The following SPON2 variants were observed in gnomAD, a reference collection of about 807,000 sequenced individuals.
SPON2 encodes the protein spondin-2.
A neutral mutation model predicts 29.9 loss-of-function variants in SPON2; 32 were observed. The observed-to-expected ratio is 1.07, with a 90% CI of 0.81 to 1.44. The LOEUF (loss-of-function observed/expected upper bound fraction) is 1.44, where lower values mean the gene tolerates loss of function less well. SPON2 is among the 40% of genes most tolerant of loss of function. SPON2 has a pLI of 0.00. For synonymous variants in SPON2, 248 were observed against 209.1 expected, an observed-to-expected ratio of 1.19 and a Z score of -1.61; for missense variants, 541 against 455.5, an observed-to-expected ratio of 1.19 and a Z score of -1.71.
chr4:1,194,931 G>GCAGCCGGCGGCCTCACCTCA (rs1728015673), intron 1 of SPON2: 1 of 133,368 alleles, frequency 7.5e-6, no homozygotes, highest in African/African-American at 3.0e-5. Flanking sequence ...CTCCAACCCC[G>GCAGCCGGCGGCCTCACCTCA]CAGCCGGCGG....
upstream of SPON2, among the ~76,000 whole-genome samples, chr4:1,175,503 C>T (rs544019807): frequency 9.4e-4 from 143 of 151,510 alleles, no homozygotes; most frequent in African/African-American, 2.9e-3. Context: ...GGATGTAGGG[C>T]GGTGGTGGGC....
chr4:1,204,152 G>A (rs571254540), intron 1 of SPON2, among the ~76,000 whole-genome samples: 78 of 152,350 alleles, frequency 5.1e-4, no homozygotes, highest in Non-Finnish European at 8.4e-4. Flanking sequence ...GATTACAGGC[G>A]TGAGCCACTG....
At position 1,171,090 on chromosome 4, in the gene SPON2, A is replaced by G; in HGVS notation, c.545T>C (p.Leu182Pro). Reference sequence around the variant, plus strand: ...CCCGGCGTCGTAGGGGTACAGGTCCAGCGCCGCCTGTTCCCGCCAACGGTC... The same window carrying G: ...CCCGGCGTCGTAGGGGTACAGGTCCGGCGCCGCCTGTTCCCGCCAACGGTC... Reference protein sequence around the residue: ...DGDRWREQAALDLYPYDAGTD... With the variant: ...DGDRWREQAAPDLYPYDAGTD... The change falls in exon 4 of 6, where the codon CTG becomes CCG. Residue 182 changes from leucine to proline, a missense_variant. Coordinates refer to ENST00000290902, the MANE Select transcript of SPON2 (RefSeq NM_012445.4). 1 of 1,550,416 alleles carries G rather than the reference A, an allele frequency of 6.4e-7. No homozygotes were observed. The highest frequency in any genetic ancestry group is 1.2e-5 in the South Asian group (1 of 84,014).
chr4:1,181,073 G>A (rs4974641), intron 1 of SPON2, among the ~76,000 whole-genome samples: 145,915 of 152,254 alleles, frequency 0.96, 70,208 homozygotes, highest in East Asian at 1. Context: ...AGAGATAGCC[G>A]CACTGACACA....
At chr4:1,200,583 C>T (rs1045461099) in intron 1 of SPON2, 27 of 343,856 alleles carry the variant, frequency 7.9e-5, no homozygotes, top group Admixed American at 7.8e-4. Flanking sequence ...CCCACGGGAA[C>T]GTGGTTTCCT....
chr4:1,202,440 A>G lies in SPON2; in HGVS notation c.-234+5440T>C, dbSNP rs768252477. 1.3e-5 allele frequency among the ~76,000 whole-genome samples: 2 copies of G among 152,204 alleles called. No individual in the cohort carries two copies. The highest frequency in any genetic ancestry group is 6.5e-5 in the Admixed American group (1 of 15,282). The stretch of plus-strand genomic sequence containing the variant: ...CAGGCCCAGTACTCACCGCTCTCAC[A>G]TACAAAATCATATGAGTCAGCATTC... On this transcript the variant is annotated intron_variant, in intron 1 of 3. Transcript: ENST00000509233. This position sits in a 1 kb window ranked among gnomAD's most constrained non-coding sequence, Gnocchi z 5.4.
rs199893739 is a variant in SPON2 at position 1,171,810 on chromosome 4, C to T, written c.220+42G>A. 8.5e-4 allele frequency: 1,216 copies of T among 1,436,964 alleles called. 6 individuals carry two copies. In the African/African-American group the frequency reaches 0.014, roughly 17 times the overall value. 89.0% of individuals were successfully genotyped at this position (1,436,964 alleles called of 1,614,324 possible). A position where few individuals can be genotyped will look rare whatever the true frequency, so the allele number is the denominator to read the frequency against. On this transcript the variant is annotated intron_variant, in intron 2 of 5. Transcript: ENST00000290902. ...TGTGCGGGGGGCTCCGGCGCCGCAG[C>T]CCTCCTGGTGGAGCAGGAGGCGAGG...
At chr4:1,201,965 C>T (rs765701207) in intron 1 of SPON2, among the ~76,000 whole-genome samples, 1 of 152,226 alleles carries the variant, frequency 6.6e-6, no homozygotes, top group Non-Finnish European at 1.5e-5. Context: ...AATTCACATG[C>T]TCACAAGTCA....
Position 1,171,005 on chromosome 4 carries a change from C to G in SPON2, c.630G>C (p.Val210=). ...PNFATIPQDT[V]TEITSSSPSH... is the part of the protein sequence containing the mutation. ...ACGCGGGGTGCCCACTCACCTCGGT[C>G]ACCGTGTCCTGCGGGATGGTGGCGA... Residue 210 remains valine, a synonymous_variant, in exon 4 of 6, where the codon GTG becomes GTC. Transcript: ENST00000290902. 1 of 1,548,274 alleles carries G rather than the reference C, an allele frequency of 6.5e-7. No individual in the cohort carries two copies. Among genetic ancestry groups the G allele is most frequent in the Non-Finnish European group, 8.7e-7 (1 of 1,145,426 alleles).
chr4:1,194,824 A>ACAGCCGGCGACTCCAACCCCG (rs1228312430), intron 1 of SPON2, among the ~76,000 whole-genome samples: 24 of 151,718 alleles, frequency 1.6e-4, no homozygotes, highest in African/African-American at 5.8e-4. Context: ...GCCTCACCTC[A>ACAGCCGGCGACTCCAACCCCG]CAGCCGGCGG....
intron 1 of SPON2, among the ~76,000 whole-genome samples, chr4:1,206,947 G>A (rs1728356306): frequency 6.7e-6 from 1 of 150,108 alleles, no homozygotes; most frequent in South Asian, 2.1e-4. Context: ...GGCAGTGGGG[G>A]CAGGTGTGGG....
chr4:1,181,641 C>T (rs940403892), intron 1 of SPON2, among the ~76,000 whole-genome samples: 2 of 152,196 alleles, frequency 1.3e-5, no homozygotes, highest in African/African-American at 2.4e-5. Flanking sequence ...AGGCAAAATG[C>T]AGTTAATTTT....
intron 2 of SPON2, 26 bp from the exon 3 acceptor site, chr4:1,171,512 G>C (rs780587630): frequency 1.2e-6 from 2 of 1,601,882 alleles, no homozygotes; most frequent in Admixed American, 3.4e-5. Context: ...GCCGCGCCGC[G>C]GACCATGGTC....
In SPON2 at chr4:1,170,481, C is replaced by A. The variant is rs772665964; in HGVS notation, c.732G>T (p.Leu244=). Residue 244 remains leucine (L), a synonymous_variant, in exon 5 of 6, where the codon CTG becomes CTT. Transcript: ENST00000290902. The part of the protein sequence containing the change: ...PPIARVTLVR[L]RQSPRAFIPP... ...GGATGAAGGCCCTGGGGCTCTGTCG[C>A]AGCCGCACCAGTGTCACCCTGGCGA... is the stretch of plus-strand genomic sequence containing the variant. 1.9e-6 allele frequency: 3 copies of A among 1,614,050 alleles called. No homozygotes were observed. In the East Asian group the frequency reaches 6.7e-5, roughly 36 times the overall value.
At chr4:1,168,273 C>T (rs1178651246) in intron 5 of SPON2, 4 of 152,266 alleles carry the variant, frequency 2.6e-5, no homozygotes, top group African/African-American at 2.4e-5. Flanking sequence ...GCCAGATGGA[C>T]AGTGTTTCTC....
In SPON2 at chr4:1,186,429, A is replaced by G. The variant is rs866249855; in HGVS notation, c.-238-6888T>C. 1.6e-4 allele frequency among the ~76,000 whole-genome samples: 25 copies of G among 151,648 alleles called. No homozygotes were observed. In the South Asian group the frequency reaches 2.3e-3, roughly 14 times the overall value. ...AGCAATTCTCCTGTCTCAACCTCCC[A>G]AGTAGCTGGGATTGCAGGCGCATGC... On this transcript the variant is annotated intron_variant, in intron 1 of 3. Coordinates refer to the SPON2 transcript ENST00000502483.
intron 1 of SPON2, chr4:1,200,501 G>A (rs374501571): frequency 1.1e-4 from 31 of 290,696 alleles, no homozygotes; most frequent in African/African-American, 4.6e-4. Context: ...GGGCGGGGGC[G>A]GGCTCAGCCT....
chr4:1,168,321 C>CA (rs1727313834), intron 5 of SPON2: 1 of 152,234 alleles, frequency 6.6e-6, no homozygotes, highest in African/African-American at 2.4e-5. Context: ...CCTAAGGAGG[C>CA]CAGGAGCCCC....
chr4:1,176,779 A>G (rs753167092), upstream of SPON2, among the ~76,000 whole-genome samples: 2 of 151,948 alleles, frequency 1.3e-5, no homozygotes, highest in African/African-American at 4.8e-5. Flanking sequence ...CATTCATTCA[A>G]TCATCCATTC....
Sources: allele counts gnomAD v4.1 joint callset (sites outside exome capture counted in the v4.1 genomes callset), GRCh38; gene constraint gnomAD v4.1.1; non-coding constraint Gnocchi (gnomAD v3.1); transcripts MANE v1.5; gene names NCBI Gene and HGNC (gene_info 2026-07-23, HGNC 2026-07-21).